The following VPS35L variants were observed in gnomAD, a reference collection of about 807,000 sequenced individuals.
VPS35L encodes the protein VPS35 endosomal protein sorting factor like.
Under a neutral mutation model 133.0 loss-of-function variants are expected in VPS35L, and 83 were observed. The ratio of observed to expected loss-of-function variants is 0.62; its 90% CI spans 0.52 to 0.75. The LOEUF (loss-of-function observed/expected upper bound fraction) is 0.75. VPS35L is among the 30% of genes least tolerant of loss of function. The pLI is 0.00. For synonymous variants in VPS35L, 423 were observed against 449.9 expected (o/e 0.94, Z 0.76); for missense variants, 1,083 against 1,206.8 (o/e 0.90, Z 1.52).
chr16:19,678,876 G>A (rs1056223216), intron 27 of VPS35L, among the ~76,000 whole-genome samples: 1 of 151,984 alleles, frequency 6.6e-6, no homozygotes, highest in African/African-American at 2.4e-5. Context: ...TAGTCTCCCA[G>A]CTCTTCGGTT....
chr16:19,670,078 G>A (rs758596868), intron 27 of VPS35L, among the ~76,000 whole-genome samples: 3 of 152,104 alleles, frequency 2.0e-5, no homozygotes. Flanking sequence ...TGATTCTCCC[G>A]CCTCAGCCTC....
chr16:19,603,580 C>CA (rs1972453139), intron 9 of VPS35L, among the ~76,000 whole-genome samples: 2 of 152,150 alleles, frequency 1.3e-5, no homozygotes, highest in Non-Finnish European at 2.9e-5. Context: ...CTGCGTCACA[C>CA]CTGTGACGAT....
intron 16 of VPS35L, 93 bp from the exon 17 acceptor site, chr16:19,628,544 A>T: frequency 1.4e-6 from 1 of 695,968 alleles, no homozygotes; most frequent in Non-Finnish European, 2.4e-6. Flanking sequence ...AAGAAGGATT[A>T]AACATTACAA....
At chr16:19,574,194 T>G (rs1204113086) in intron 4 of VPS35L, among the ~76,000 whole-genome samples, 1 of 151,880 alleles carries the variant, frequency 6.6e-6, no homozygotes, top group Non-Finnish European at 1.5e-5. Context: ...AGGAGAGGAG[T>G]CCAGGGCTGG....
chr16:19,690,333 G>GAGGGAGGAGGA (rs903615440), intron 28 of VPS35L, among the ~76,000 whole-genome samples: 2 of 152,216 alleles, frequency 1.3e-5, no homozygotes, highest in African/African-American at 4.8e-5. Flanking sequence ...GGGAAGGAGG[G>GAGGGAGGAGGA]AGGGAGGAGG....
At chr16:19,585,085 T>C (rs1241828551) in intron 7 of VPS35L, among the ~76,000 whole-genome samples, 1 of 152,250 alleles carries the variant, frequency 6.6e-6, no homozygotes, top group Non-Finnish European at 1.5e-5. Flanking sequence ...AGTTCGTTCC[T>C]TTTTACTGCT....
At chr16:19,653,624 C>T (rs1374397073) in intron 26 of VPS35L, among the ~76,000 whole-genome samples, 2 of 152,242 alleles carry the variant, frequency 1.3e-5, no homozygotes, top group African/African-American at 2.4e-5. Flanking sequence ...AGTTCCATAG[C>T]GCCATAGGAG....
At chr16:19,670,022 G>A (rs1177947914) in intron 27 of VPS35L, among the ~76,000 whole-genome samples, 1 of 151,804 alleles carries the variant, frequency 6.6e-6, no homozygotes, top group East Asian at 2.0e-4. Context: ...CTGGAGTGCA[G>A]TGGTGCAGTT....
At chr16:19,599,990 G>T (rs573413926) in intron 8 of VPS35L, among the ~76,000 whole-genome samples, 1 of 152,302 alleles carries the variant, frequency 6.6e-6, no homozygotes, top group South Asian at 2.1e-4. Flanking sequence ...GTAGTGAGCT[G>T]TGATCACGCC....
rs761320304 is a variant in VPS35L, at chr16:19,626,206, T to C, written c.1254T>C (p.Cys418=). 2.1e-5 allele frequency: 34 copies of C among 1,599,874 alleles called. No individual in the cohort carries two copies. Among genetic ancestry groups the C allele is most frequent in the Non-Finnish European group, 2.8e-5 (33 of 1,171,346 alleles). ...TGCTGACCGAGATGATGGAAAGGTG[T>C]AAGAAACTAGGAAACAAGTAAGTAT... is the stretch of plus-strand genomic sequence containing the variant. The part of the protein sequence containing the change: ...EALLTEMMER[C]KKLGNNALLL... The change falls in exon 15 of 31, where the codon TGT becomes TGC. Residue 418 remains cysteine (C), a synonymous_variant. Transcript: ENST00000417362.
At position 19,570,872 on chromosome 16, in the gene VPS35L, TA is replaced by T. The variant is rs1567388684; in HGVS notation, c.285+1282del. On this transcript the variant is annotated intron_variant, in intron 3 of 30. Transcript: ENST00000417362. ...ATATATATATATATATATATATATA[TA>T]TATATATATATATATATTTTTGAGA... is the stretch of plus-strand genomic sequence containing the variant. Among the ~76,000 whole-genome samples, 65 of 92,358 alleles carry T rather than the reference TA, an allele frequency of 7.0e-4. 2 individuals carry two copies. Among genetic ancestry groups the T allele is most frequent in the African/African-American group, 2.6e-3 (48 of 18,502 alleles). The allele number at this position is 92,358 out of a possible 152,430, so 60.6% of individuals were successfully genotyped here.
At chr16:19,666,927 T>TTCTTC (rs1974698248) in intron 26 of VPS35L, among the ~76,000 whole-genome samples, 1 of 62,940 alleles carries the variant, frequency 1.6e-5, no homozygotes, top group Non-Finnish European at 3.0e-5. Flanking sequence ...TTTCTTTCTT[T>TTCTTC]CTTTCTTCCT....
chr16:19,700,226 G>A (rs2151634430), intron 30 of VPS35L, 152 bp from the exon 31 acceptor site: 1 of 650,158 alleles, frequency 1.5e-6, no homozygotes, highest in Non-Finnish European at 2.7e-6. Flanking sequence ...CCAAGAAGTT[G>A]AAGACTTTGA....
intron 26 of VPS35L, among the ~76,000 whole-genome samples, chr16:19,667,780 A>G (rs1292859683): frequency 1.3e-5 from 2 of 151,030 alleles, no homozygotes; most frequent in Non-Finnish European, 2.9e-5. Flanking sequence ...GTTAATTAGT[A>G]TGATTATGTT....
chr16:19,627,993 T>C (rs7189002), intron 16 of VPS35L, among the ~76,000 whole-genome samples, 188 bp downstream of exon 16: 7,718 of 152,264 alleles, frequency 0.051, 637 homozygotes, highest in African/African-American at 0.17. Flanking sequence ...ATTGCTATGC[T>C]TCAGGCCCCC....
intron 24 of VPS35L, among the ~76,000 whole-genome samples, chr16:19,648,273 G>C (rs1337742742): frequency 6.6e-6 from 1 of 151,930 alleles, no homozygotes; most frequent in Non-Finnish European, 1.5e-5. Flanking sequence ...CCTTAATCTG[G>C]GTTTTTTCTG....
chr16:19,588,738 C>CT (rs144922191), intron 7 of VPS35L, among the ~76,000 whole-genome samples: 7,059 of 152,268 alleles, frequency 0.046, 332 homozygotes, highest in East Asian at 0.2. Context: ...GACAATGTCA[C>CT]TGTGAGCACG....
intron 26 of VPS35L, among the ~76,000 whole-genome samples, chr16:19,664,386 T>G (rs1183298655): frequency 6.6e-6 from 1 of 151,914 alleles, no homozygotes. Context: ...GTGAGATGCG[T>G]CAATTGCTGT....
At chr16:19,646,373 A>G (rs1453196046) in intron 23 of VPS35L, among the ~76,000 whole-genome samples, 1 of 152,204 alleles carries the variant, frequency 6.6e-6, no homozygotes, top group African/African-American at 2.4e-5. Flanking sequence ...CAAGGCTTAG[A>G]AATCACACAG....
Sources: allele counts gnomAD v4.1 joint callset (sites outside exome capture counted in the v4.1 genomes callset), GRCh38; gene constraint gnomAD v4.1.1; transcripts MANE v1.5; gene names NCBI Gene and HGNC (gene_info 2026-07-23, HGNC 2026-07-21).